The following PDLIM1 variants were observed in gnomAD, a reference collection of about 807,000 sequenced individuals.
PDLIM1 encodes PDZ and LIM domain protein 1.
A neutral mutation model predicts 35.2 loss-of-function variants in PDLIM1; 25 were observed. That is an observed-to-expected ratio of 0.71 (90% CI 0.52 to 0.99). The LOEUF is 0.99. Among genes scored for constraint, PDLIM1 ranks in the 50% least tolerant of loss-of-function variants. The probability of loss-of-function intolerance (pLI) is 0.00; values close to 1 mark genes in which losing one functional copy is unlikely to be tolerated. For missense variants in PDLIM1, 363 were observed against 415.3 expected (o/e 0.87, Z 1.09); for synonymous variants, 152 against 154.0 (o/e 0.99, Z 0.10).
rs766930662 is a variant in PDLIM1 at position 95,238,617 on chromosome 10, C to T, written c.754G>A (p.Gly252Arg). The change falls in exon 6 of 7, where the codon GGA becomes AGA. Residue 252 changes from glycine to arginine, a missense_variant. By Grantham distance (125) the Gly-to-Arg change is moderately radical (BLOSUM62 -2). Coordinates refer to ENST00000329399, the MANE Select transcript of PDLIM1 (RefSeq NM_020992.4). Reference sequence around the variant, plus strand: ...CACATAGGCAACTTCTGAGCATTTCCAATCGACGCAGCCACTTTAGTGACA... The same window carrying T: ...CACATAGGCAACTTCTGAGCATTTCTAATCGACGCAGCCACTTTAGTGACA... ...APVTKVAASI[G>R]NAQKLPMCDK... 2 of 1,614,020 alleles carry T rather than the reference C, an allele frequency of 1.2e-6. No homozygotes were observed. The highest frequency in any genetic ancestry group is 1.7e-6 in the Non-Finnish European group (2 of 1,179,894).
intron 5 of PDLIM1, 117 bp downstream of exon 5, chr10:95,247,098 T>G (rs17525659): frequency 0.096 from 80,872 of 842,894 alleles, 4,660 homozygotes; most frequent in Middle Eastern, 0.15. Context: ...TTCAGCATTT[T>G]AAAAGCCCAT....
intron 5 of PDLIM1, among the ~76,000 whole-genome samples, chr10:95,239,783 G>T (rs999258182): frequency 6.6e-6 from 1 of 152,032 alleles, no homozygotes; most frequent in Non-Finnish European, 1.5e-5. Flanking sequence ...GCAACAGAGC[G>T]AGACTCCATC....
At chr10:95,277,411 A>T (rs1158055679) in intron 1 of PDLIM1, among the ~76,000 whole-genome samples, 1 of 151,974 alleles carries the variant, frequency 6.6e-6, no homozygotes, top group Admixed American at 6.6e-5. Flanking sequence ...GTCAGATGGC[A>T]GGCAGATCAC....
At chr10:95,277,426 G>C (rs1037884539) in intron 1 of PDLIM1, among the ~76,000 whole-genome samples, 6 of 152,010 alleles carry the variant, frequency 3.9e-5, no homozygotes, top group Non-Finnish European at 8.8e-5. Flanking sequence ...GATCACATGA[G>C]CTGAGGAGTT....
intron 3 of PDLIM1, among the ~76,000 whole-genome samples, chr10:95,264,557 C>T (rs1271341284): frequency 6.6e-6 from 1 of 152,182 alleles, no homozygotes; most frequent in South Asian, 2.1e-4. Context: ...TGTGGTGTCA[C>T]AGGGGAAGCA....
intron 5 of PDLIM1, chr10:95,238,903 A>C: frequency 2.1e-6 from 1 of 467,936 alleles, no homozygotes; most frequent in Non-Finnish European, 3.9e-6. Context: ...AAAGCCCAAA[A>C]AGCCAAGACA....
At chr10:95,271,242 G>A (rs1264002149) in intron 2 of PDLIM1, among the ~76,000 whole-genome samples, 2 of 150,748 alleles carry the variant, frequency 1.3e-5, no homozygotes, top group Admixed American at 6.6e-5. Context: ...TTCGAGGCCA[G>A]CCTGGCCAAC....
intron 4 of PDLIM1, among the ~76,000 whole-genome samples, chr10:95,255,280 A>G (rs2035302791): frequency 6.7e-6 from 1 of 149,412 alleles, no homozygotes; most frequent in Non-Finnish European, 1.5e-5. Flanking sequence ...TTCCAAACTC[A>G]TTCTATGAGG....
intron 4 of PDLIM1, among the ~76,000 whole-genome samples, chr10:95,253,330 CTG>C (rs1220679432): frequency 2.0e-5 from 3 of 152,078 alleles, no homozygotes; most frequent in Non-Finnish European, 4.4e-5. Context: ...TACAGGGAAA[CTG>C]AGAGCATTTA....
chr10:95,273,232 T>C (rs533972119), intron 1 of PDLIM1: 5 of 152,236 alleles, frequency 3.3e-5, no homozygotes, highest in African/African-American at 1.2e-4. Flanking sequence ...CCCACAGGGC[T>C]CTGGCCACCC....
chr10:95,259,024 CA>C (rs2035339419), intron 4 of PDLIM1, among the ~76,000 whole-genome samples: 1 of 151,796 alleles, frequency 6.6e-6, no homozygotes, highest in Admixed American at 6.6e-5. Flanking sequence ...AGTAAGTTGC[CA>C]GGGGTTAAGG....
chr10:95,266,631 G>A (rs1033759511), intron 3 of PDLIM1, among the ~76,000 whole-genome samples: 6 of 152,072 alleles, frequency 3.9e-5, no homozygotes, highest in African/African-American at 1.2e-4. Context: ...TGCCTGGCTC[G>A]TGGCACATAT....
intron 1 of PDLIM1, among the ~76,000 whole-genome samples, chr10:95,288,657 G>A (rs2035622982): frequency 6.6e-6 from 1 of 152,180 alleles, no homozygotes; most frequent in African/African-American, 2.4e-5. Context: ...CCACACCAGG[G>A]TCCCTTTATG....
At chr10:95,256,714 G>C (rs2035313202) in intron 4 of PDLIM1, among the ~76,000 whole-genome samples, 1 of 152,098 alleles carries the variant, frequency 6.6e-6, no homozygotes, top group South Asian at 2.1e-4. Flanking sequence ...GCTCATGCCT[G>C]TAATCCCAGC....
At chr10:95,273,247 G>C (rs899753062) in intron 1 of PDLIM1, 2 of 152,112 alleles carry the variant, frequency 1.3e-5, no homozygotes, top group African/African-American at 4.8e-5. Context: ...CCACCCTTTG[G>C]AGAAGGCCCT....
chr10:95,271,614 A>T lies in PDLIM1; in HGVS notation c.248+19T>A, dbSNP rs1322251313. On this transcript the variant is annotated intron_variant, in intron 2 of 6. Transcript: ENST00000329399. The stretch of plus-strand genomic sequence containing the variant: ...TTCTAGTCAATCAGAAATGAACAAA[A>T]CGTTTCCATAGGCTTCACCTGGCTA... 1 of 1,580,496 alleles carries T rather than the reference A, an allele frequency of 6.3e-7. No individual in the cohort carries two copies. Among genetic ancestry groups the T allele is most frequent in the Non-Finnish European group, 8.6e-7 (1 of 1,169,058 alleles).
intron 4 of PDLIM1, among the ~76,000 whole-genome samples, chr10:95,248,292 T>G (rs991537430): frequency 3.9e-5 from 6 of 152,264 alleles, no homozygotes; most frequent in African/African-American, 1.4e-4. Context: ...TCACCCAGGC[T>G]GGAGTACAGT....
chr10:95,274,650 T>C (rs1484699476), intron 1 of PDLIM1, among the ~76,000 whole-genome samples: 1 of 152,154 alleles, frequency 6.6e-6, no homozygotes, highest in Non-Finnish European at 1.5e-5. Flanking sequence ...TCACTTTATG[T>C]TTGCAAACCT....
chr10:95,263,884 C>T lies in PDLIM1; in HGVS notation c.513G>A (p.Gly171=), dbSNP rs1309701170. Reference sequence around the variant, plus strand: ...CTTACGGTCTGCTGTTCGCCTCCACCCCGCTGGCAGCAGTCTTTGACTCCA... The same window carrying T: ...CTTACGGTCTGCTGTTCGCCTCCACTCCGCTGGCAGCAGTCTTTGACTCCA... ...NALESKTAAS[G]VEANSRPLDH... The change falls in exon 4 of 7, where the codon GGG becomes GGA. Residue 171 remains glycine, a synonymous_variant. Coordinates refer to ENST00000329399, the MANE Select transcript of PDLIM1 (RefSeq NM_020992.4). 14 of 1,613,030 alleles carry T rather than the reference C, an allele frequency of 8.7e-6. No homozygotes were observed. In the East Asian group the frequency reaches 3.1e-4, roughly 36 times the overall value.
Sources: gnomAD v4.1 joint callset for allele counts (sites outside exome capture counted in the v4.1 genomes callset) on GRCh38, gnomAD v4.1.1 for gene constraint, MANE v1.5 for transcripts, NCBI Gene and HGNC (gene_info 2026-07-23, HGNC 2026-07-21) for gene names.